The following TACC1 variants were observed in gnomAD, a reference collection of about 807,000 sequenced individuals.
The protein encoded by TACC1 is transforming acidic coiled-coil containing protein 1.
In TACC1, 48 loss-of-function variants were observed where a neutral mutation model predicts 84.4. The observed-to-expected ratio is 0.57, with a 90% CI of 0.45 to 0.72. The LOEUF (loss-of-function observed/expected upper bound fraction) is 0.72. Ranked by LOEUF, TACC1 falls within the 30% of genes least tolerant of loss-of-function variation. The probability of loss-of-function intolerance (pLI) is 0.00; values close to 1 mark genes in which losing one functional copy is unlikely to be tolerated. For missense variants in TACC1, 920 were observed against 973.0 expected, an observed-to-expected ratio of 0.95 and a Z score of 0.72; for synonymous variants, 372 against 376.3, an observed-to-expected ratio of 0.99 and a Z score of 0.13.
At chr8:38,741,789 A>T (rs898628225) in intron 1 of TACC1, among the ~76,000 whole-genome samples, 1 of 152,198 alleles carries the variant, frequency 6.6e-6, no homozygotes, top group Non-Finnish European at 1.5e-5. Flanking sequence ...TCAATATTCC[A>T]AGAAGATACT....
Position 38,791,101 on chromosome 8 carries a change from T to C in TACC1, c.277+2282T>C, listed in dbSNP as rs113143101. Among the ~76,000 whole-genome samples, 1,491 of 152,290 alleles carry C rather than the reference T, an allele frequency of 9.8e-3. 19 individuals are homozygous for C. Among genetic ancestry groups the C allele is most frequent in the African/African-American group, 0.033 (1,358 of 41,552 alleles). ...AAGCCTTTTTGAATTGCCATCAGCT[T>C]GGGCGGCCCTTCCTCATCGTTTTGT... On this transcript the variant is annotated intron_variant, in intron 2 of 12. Coordinates refer to ENST00000317827, the MANE Select transcript of TACC1 (RefSeq NM_006283.3).
intron 9 of TACC1, among the ~76,000 whole-genome samples, chr8:38,841,345 T>A (rs1831238475): frequency 6.6e-6 from 1 of 152,148 alleles, no homozygotes; most frequent in South Asian, 2.1e-4. Flanking sequence ...TGGAGGCCAC[T>A]TAAAACAGTG....
intron 3 of TACC1, among the ~76,000 whole-genome samples, chr8:38,761,096 G>C (rs886538595): frequency 1.4e-4 from 22 of 152,128 alleles, no homozygotes; most frequent in African/African-American, 4.6e-4. Context: ...CCATTTTCCA[G>C]AAAGTTGTAC....
intron 3 of TACC1, among the ~76,000 whole-genome samples, chr8:38,768,660 A>AGTGT (rs80115733): frequency 5.8e-4 from 87 of 150,526 alleles, no homozygotes; most frequent in African/African-American, 1.8e-3. Flanking sequence ...GTGCTTGAGG[A>AGTGT]GTGTGTGTGT....
chr8:38,797,027 C>G (rs946309837), intron 2 of TACC1, among the ~76,000 whole-genome samples: 2 of 152,244 alleles, frequency 1.3e-5, no homozygotes, highest in Admixed American at 1.3e-4. Context: ...CAAGAATCCT[C>G]TCCTAAGGCG....
chr8:38,766,685 G>A (rs58361714), intron 3 of TACC1, among the ~76,000 whole-genome samples: 1,737 of 152,310 alleles, frequency 0.011, 35 homozygotes, highest in African/African-American at 0.04. Flanking sequence ...CCTGAAATCT[G>A]TGCATTATCC....
At chr8:38,809,415 G>A (rs1300066177) in intron 2 of TACC1, among the ~76,000 whole-genome samples, 1 of 152,168 alleles carries the variant, frequency 6.6e-6, no homozygotes, top group Non-Finnish European at 1.5e-5. Context: ...GTCTTGTGCT[G>A]AGATGTGCTC....
chr8:38,757,531 G>A (rs1013213333), intron 3 of TACC1: 2 of 1,102,272 alleles, frequency 1.8e-6, no homozygotes, highest in Non-Finnish European at 2.2e-6. Context: ...GCGGCAGCGG[G>A]GCACGAGCGC....
rs142072855 is a variant in TACC1 at position 38,775,832 on chromosome 8, A to G, written c.27-12872A>G. Among the ~76,000 whole-genome samples, 790 of 152,370 alleles carry G rather than the reference A, an allele frequency of 5.2e-3. 8 individuals are homozygous for G. The highest frequency in any genetic ancestry group is 0.018 in the African/African-American group (746 of 41,590). Reference sequence around the variant, plus strand: ...AAAACACATAAGATATTCCTATATCATACATGATGAGGTACAGGGAAGACC... The same window carrying G: ...AAAACACATAAGATATTCCTATATCGTACATGATGAGGTACAGGGAAGACC... On this transcript the variant is annotated intron_variant, in intron 3 of 14. Coordinates refer to the TACC1 transcript ENST00000518415.
chr8:38,806,401 G>T (rs1822707256), intron 2 of TACC1, among the ~76,000 whole-genome samples: 1 of 152,058 alleles, frequency 6.6e-6, no homozygotes, highest in Non-Finnish European at 1.5e-5. Flanking sequence ...GATAGCTCTA[G>T]AATTAATTGA....
chr8:38,830,097 G>C (rs1394961829), intron 5 of TACC1, among the ~76,000 whole-genome samples: 2 of 152,194 alleles, frequency 1.3e-5, no homozygotes, highest in African/African-American at 2.4e-5. Flanking sequence ...TAGGGAGGGG[G>C]AGGTTGAAGG....
intron 3 of TACC1, chr8:38,757,426 T>G: frequency 8.4e-7 from 1 of 1,191,912 alleles, no homozygotes; most frequent in Non-Finnish European, 1.1e-6. Flanking sequence ...CCCAGAGCCC[T>G]CTCCAAGGGC....
intron 3 of TACC1, among the ~76,000 whole-genome samples, chr8:38,777,058 C>T (rs528447946): frequency 5.6e-4 from 85 of 152,178 alleles, no homozygotes; most frequent in African/African-American, 2.0e-3. Flanking sequence ...GAGTTCGATA[C>T]CAGCCTGGCC....
At chr8:38,731,687 C>T (rs1804948059) in intron 1 of TACC1, among the ~76,000 whole-genome samples, 1 of 152,044 alleles carries the variant, frequency 6.6e-6, no homozygotes, top group South Asian at 2.1e-4. Flanking sequence ...TGGGAGACAG[C>T]CTAGGACCTT....
rs781268305 is a variant in TACC1 at position 38,846,759 on chromosome 8, T to A, written c.2289T>A (p.His763Gln). ...CAAAGGCTGAGAGTGCAGCTCTCCA[T>A]GCTGGACTCCGCAAAGAGCAGATGA... The part of the protein sequence containing the change: ...TKAKAESAAL[H>Q]AGLRKEQMKV... Residue 763 changes from histidine (H) to glutamine (Q), a missense_variant, in exon 12 of 13, where the codon CAT becomes CAA. Physicochemically the swap from His to Gln is conservative, Grantham distance 24. This residue lies in a region of TACC1 where 158 missense variants were observed against 225.6 expected (regional missense o/e 0.70). Coordinates refer to ENST00000317827, the MANE Select transcript of TACC1 (RefSeq NM_006283.3). 1.9e-6 allele frequency: 3 copies of A among 1,614,052 alleles called. No individual in the cohort carries two copies. The highest frequency in any genetic ancestry group is 3.3e-5 in the Admixed American group (2 of 60,008).
rs6980553 is a variant in TACC1, at chr8:38,819,972, T to C, written c.728T>C (p.Ile243Thr). 2.3e-3 allele frequency: 3,693 copies of C among 1,614,030 alleles called. 66 individuals are homozygous for C. The African/African-American group carries it at 0.04, about 18-fold the overall frequency. The change falls in exon 3 of 13, where the codon ATT becomes ACT. Residue 243 changes from isoleucine (I) to threonine (T), a missense_variant. Coordinates refer to ENST00000317827, the MANE Select transcript of TACC1 (RefSeq NM_006283.3). Reference sequence around the variant, plus strand: ...CCTGTCCCCCTGAGGAAGAAAGCAATTGGAGGAGAGTTCTCAGACACCAAC... The same window carrying C: ...CCTGTCCCCCTGAGGAAGAAAGCAACTGGAGGAGAGTTCTCAGACACCAAC... ...PKPVPLRKKA[I>T]GGEFSDTNAA...
intron 1 of TACC1, among the ~76,000 whole-genome samples, chr8:38,735,928 A>G (rs1012980803): frequency 4.6e-5 from 7 of 152,204 alleles, no homozygotes; most frequent in African/African-American, 1.7e-4. Flanking sequence ...ACTAATGACC[A>G]CGAACTTGGT....
upstream of TACC1, among the ~76,000 whole-genome samples, chr8:38,782,628 A>G (rs1816261595): frequency 6.6e-6 from 1 of 152,234 alleles, no homozygotes; most frequent in Non-Finnish European, 1.5e-5. Flanking sequence ...AAAATGTGCT[A>G]AATCAGTAAG....
At chr8:38,736,995 G>A (rs576255694) in intron 1 of TACC1, among the ~76,000 whole-genome samples, 1 of 152,266 alleles carries the variant, frequency 6.6e-6, no homozygotes, top group South Asian at 2.1e-4. Flanking sequence ...GCCCAGCGTG[G>A]GGACATTTAG....
Sources: allele counts gnomAD v4.1 joint callset (sites outside exome capture counted in the v4.1 genomes callset), GRCh38; gene constraint gnomAD v4.1.1; regional missense constraint gnomAD v4.1.1; transcripts MANE v1.5; gene names NCBI Gene and HGNC (gene_info 2026-07-23, HGNC 2026-07-21).